AFG3L2: variants seen among roughly 807,000 people sequenced by gnomAD.
AFG3L2 encodes AFG3 like matrix AAA peptidase subunit 2, also known as mitochondrial inner membrane m-AAA protease component AFG3L2.
In AFG3L2, 54 loss-of-function variants were observed where a neutral mutation model predicts 94.5. The observed-to-expected ratio is 0.57, with a 90% confidence interval of 0.46 to 0.72. AFG3L2 has a LOEUF of 0.72. Ranked by LOEUF, AFG3L2 falls within the 30% of genes least tolerant of loss-of-function variation. The probability of loss-of-function intolerance (pLI) is 0.00; values close to 1 mark genes in which losing one functional copy is unlikely to be tolerated. For missense variants in AFG3L2, 754 were observed against 994.9 expected (o/e 0.76, Z 3.26); for synonymous variants, 377 against 365.5 (o/e 1.03, Z -0.36).
intron 5 of AFG3L2, among the ~76,000 whole-genome samples, chr18:12,366,686 G>A (rs372730194): frequency 3.2e-4 from 48 of 152,280 alleles, no homozygotes; most frequent in African/African-American, 9.4e-4. Flanking sequence ...AGAAAAGGGC[G>A]CAAGCAGAGG....
chr18:12,360,479 T>C (rs897762142), intron 6 of AFG3L2, among the ~76,000 whole-genome samples: 27 of 152,204 alleles, frequency 1.8e-4, no homozygotes, highest in African/African-American at 6.5e-4. Flanking sequence ...CAGGCATTGT[T>C]CTGGGCCCTT....
chr18:12,367,298 T>A lies in AFG3L2; in HGVS notation c.377A>T (p.His126Leu). ...GKRGGKKDDS[H>L]WWSRFQKGDI... ...AACCTTCTGAAACCTGGACCACCAG[T>A]GAGAATCATCTTTCTTGCCACCTCG... Residue 126 changes from histidine to leucine, a missense_variant, in exon 4 of 17, where the codon CAC (histidine) becomes CTC (leucine). Coordinates refer to ENST00000269143, the MANE Select transcript of AFG3L2 (RefSeq NM_006796.3). 6.2e-7 allele frequency: 1 copy of A among 1,614,188 alleles called. No homozygotes were observed. Among genetic ancestry groups the A allele is most frequent in the Non-Finnish European group, 8.5e-7 (1 of 1,180,030 alleles).
At chr18:12,331,861 A>AT (rs1907543515) in intron 16 of AFG3L2, among the ~76,000 whole-genome samples, 1 of 86,374 alleles carries the variant, frequency 1.2e-5, no homozygotes, top group African/African-American at 3.6e-5. Flanking sequence ...ATATATATAT[A>AT]AAACAAGGGC....
At position 12,370,935 on chromosome 18, in the gene AFG3L2, A is replaced by G. The variant is rs755505003; in HGVS notation, c.215-9T>C. The stretch of plus-strand genomic sequence containing the variant: ...AAAGTATTTTTCAAATCCTGTTAGA[A>G]AAAGAAAAAAAATACTTATCTTCAA... On this transcript the variant is annotated splice_polypyrimidine_tract_variant and intron_variant, in intron 2 of 16. Coordinates refer to ENST00000269143, the MANE Select transcript of AFG3L2 (RefSeq NM_006796.3). The G allele has an allele frequency of 6.8e-7, 1 of 1,474,356 alleles. No homozygotes were observed. The highest frequency in any genetic ancestry group is 1.8e-5 in the Admixed American group (1 of 55,254). 91.3% of individuals were successfully genotyped at this position (1,474,356 alleles called of 1,614,324 possible).
In AFG3L2 at chr18:12,358,887, G is replaced by T. The variant is rs375692897; in HGVS notation, c.809C>A (p.Thr270Asn). ...TVLIIAFLLY[T>N]IRRGPAGIGR... ...AATGCCAGCAGGCCCTCTTCTGATGGTGTAGAGCAAGAAGGCGATGATGAG... is the reference window on the plus strand; with the variant it reads ...AATGCCAGCAGGCCCTCTTCTGATGTTGTAGAGCAAGAAGGCGATGATGAG... Residue 270 changes from threonine to asparagine, a missense_variant, in exon 8 of 17, where the codon ACC becomes AAC. By Grantham distance (65) the Thr-to-Asn change is moderately conservative. Around this residue, in one of 4 missense-constraint regions of AFG3L2, gnomAD observed 130 missense variants for 175.1 expected, o/e 0.74. Transcript: ENST00000269143. The T allele has an allele frequency of 1.9e-6, 3 of 1,614,238 alleles. No homozygotes were observed. Among genetic ancestry groups the T allele is most frequent in the Non-Finnish European group, 2.5e-6 (3 of 1,180,044 alleles).
chr18:12,329,389 C>T lies in AFG3L2; in HGVS notation c.*176G>A. 1.4e-6 allele frequency: 1 copy of T among 721,410 alleles called. No individual in the cohort carries two copies. Among genetic ancestry groups the T allele is most frequent in the Non-Finnish European group, 2.4e-6 (1 of 409,544 alleles). 44.7% of individuals were successfully genotyped at this position (721,410 alleles called of 1,614,324 possible). A position where few individuals can be genotyped will look rare whatever the true frequency, so the allele number is the denominator to read the frequency against. On this transcript the variant is annotated 3_prime_UTR_variant, in exon 17 of 17. Coordinates refer to ENST00000269143, the MANE Select transcript of AFG3L2 (RefSeq NM_006796.3). ...TCAAGGCCTCCGGAAAGTCACCTGCCACCCACTGTGACCTCTGAGGCTGAA... is the reference window on the plus strand; with the variant it reads ...TCAAGGCCTCCGGAAAGTCACCTGCTACCCACTGTGACCTCTGAGGCTGAA...
At chr18:12,376,944 C>A in intron 1 of AFG3L2, 25 bp downstream of exon 1, 1 of 1,409,534 alleles carries the variant, frequency 7.1e-7, no homozygotes. Flanking sequence ...GGGTGGAGGG[C>A]GCCGGGCGCC....
intron 1 of AFG3L2, among the ~76,000 whole-genome samples, chr18:12,375,306 C>T (rs1264912484): frequency 6.9e-6 from 1 of 144,644 alleles, no homozygotes; most frequent in African/African-American, 2.6e-5. Context: ...TGGAGTACAG[C>T]AATGCAATCA....
chr18:12,337,394 CAT>C lies in AFG3L2; in HGVS notation c.2120_2121del (p.Asp707GlyfsTer3), dbSNP rs772904717. ...IDDEVRILIN[D>X]AYKRTVALLT... ...AGAAGAGCTACTGTTCTTTTATAAGCATCATTAATAAGTATTCGTACTTCATC... is the reference window on the plus strand; with the variant it reads ...AGAAGAGCTACTGTTCTTTTATAAGCCATTAATAAGTATTCGTACTTCATC... On this transcript the variant is annotated frameshift_variant, in exon 16 of 17. Transcript: ENST00000269143. LOFTEE classifies it high-confidence loss of function. 6.2e-7 allele frequency: 1 copy of C among 1,614,178 alleles called. No individual in the cohort carries two copies. The highest frequency in any genetic ancestry group is 8.5e-7 in the Non-Finnish European group (1 of 1,179,986).
In AFG3L2 at chr18:12,353,055, C is replaced by T; in HGVS notation, c.1268G>A (p.Gly423Glu). The change falls in exon 10 of 17, where the codon GGG becomes GAG. Residue 423 changes from glycine to glutamate, a missense_variant. Gly to Glu is a moderately conservative substitution (Grantham distance 98). Around this residue, in one of 4 missense-constraint regions of AFG3L2, gnomAD observed 109 missense variants for 227.1 expected, o/e 0.48. Transcript: ENST00000269143. ...GAGTGTGTTCTCCTGCTCACTCTGC[C>T]CTCCAAAGTTGCCTCTTCCTCTCTT... ...GRKRGRGNFG[G>E]QSEQENTLNQ... 1 of 1,614,136 alleles carries T rather than the reference C, an allele frequency of 6.2e-7. No individual in the cohort carries two copies. The highest frequency in any genetic ancestry group is 8.5e-7 in the Non-Finnish European group (1 of 1,180,032).
At chr18:12,366,350 TCTTA>T (rs1908806833) in intron 5 of AFG3L2, among the ~76,000 whole-genome samples, 2 of 152,196 alleles carry the variant, frequency 1.3e-5, no homozygotes, top group Admixed American at 1.3e-4. Context: ...TGAAATATGG[TCTTA>T]CTTATTTCCC....
In AFG3L2 at chr18:12,377,078, G is replaced by T; in HGVS notation, c.5C>A (p.Ala2Glu). The change falls in exon 1 of 17, where the codon GCG (alanine) becomes GAG (glutamate). Residue 2 changes from alanine (A) to glutamate (E), a missense_variant. Ala to Glu is a moderately radical substitution (Grantham distance 107). Transcript: ENST00000269143. ...GCCCCACAGCCGCAAACAGCGGTGC[G>T]CCATGGCCGCCGCCGTGGCCCTCTC... M[A>E]HRCLRLWGRG... 7.1e-7 allele frequency: 1 copy of T among 1,418,092 alleles called. No homozygotes were observed. Among genetic ancestry groups the T allele is most frequent in the Non-Finnish European group, 9.2e-7 (1 of 1,085,726 alleles). 87.8% of individuals were successfully genotyped at this position (1,418,092 alleles called of 1,614,324 possible). A position where few individuals can be genotyped will look rare whatever the true frequency, so the allele number is the denominator to read the frequency against.
intron 13 of AFG3L2, 103 bp downstream of exon 13, chr18:12,348,170 G>C: frequency 1.0e-6 from 1 of 970,052 alleles, no homozygotes; most frequent in South Asian, 1.4e-5. Context: ...AGGGCTGAGT[G>C]GATACACTTT....
chr18:12,337,042 G>T (rs975471675), intron 16 of AFG3L2: 2 of 588,244 alleles, frequency 3.4e-6, no homozygotes, highest in Non-Finnish European at 3.0e-6. Context: ...GGAGTACTGT[G>T]AACTATCTGG....
chr18:12,337,621 T>A (rs1907794304), intron 15 of AFG3L2, 86 bp from the exon 16 acceptor site: 3 of 1,233,324 alleles, frequency 2.4e-6, no homozygotes, highest in African/African-American at 1.5e-5. Flanking sequence ...CCGGCTAAAG[T>A]GCACAAAGGT....
rs1397998310 is a variant in AFG3L2, at chr18:12,337,596, C to T, written c.1981-61G>A. 1.2e-5 allele frequency: 19 copies of T among 1,545,946 alleles called. No homozygotes were observed. The Admixed American group carries it at 2.5e-4, about 21-fold the overall frequency. On this transcript the variant is annotated intron_variant, in intron 15 of 16. Coordinates refer to ENST00000269143, the MANE Select transcript of AFG3L2 (RefSeq NM_006796.3). The stretch of plus-strand genomic sequence containing the variant: ...TTGTTCTTTAACCAGACAAAATCTA[C>T]ACAGCAGCCTGGAGCCGGCTAAAGT...
Position 12,352,985 on chromosome 18 carries a change from C to A in AFG3L2, c.1318+20G>T, listed in dbSNP as rs746679983. ...AAAAACAAAAGTGCAGTTAAAGATA[C>A]AAAAGCCTTGACCACTCACCATCCA... On this transcript the variant is annotated intron_variant, in intron 10 of 16. Coordinates refer to ENST00000269143, the MANE Select transcript of AFG3L2 (RefSeq NM_006796.3). 1 of 1,612,374 alleles carries A rather than the reference C, an allele frequency of 6.2e-7. No individual in the cohort carries two copies. Among genetic ancestry groups the A allele is most frequent in the Non-Finnish European group, 8.5e-7 (1 of 1,179,352 alleles).
chr18:12,371,259 C>G (rs9303771), intron 2 of AFG3L2, among the ~76,000 whole-genome samples: 1 of 150,426 alleles, frequency 6.6e-6, no homozygotes, highest in Admixed American at 6.6e-5. Context: ...GGTTGCAGTA[C>G]GCCAAGATCG....
chr18:12,375,960 G>A (rs1440263494), intron 1 of AFG3L2, among the ~76,000 whole-genome samples: 1 of 152,144 alleles, frequency 6.6e-6, no homozygotes, highest in East Asian at 1.9e-4. Flanking sequence ...CGGCCTGGGC[G>A]AAGAAGCAAA....
Sources: gnomAD v4.1 joint callset for allele counts (sites outside exome capture counted in the v4.1 genomes callset) on GRCh38, gnomAD v4.1.1 for gene constraint, gnomAD v4.1.1 regional missense constraint, MANE v1.5 for transcripts, NCBI Gene and HGNC (gene_info 2026-07-23, HGNC 2026-07-21) for gene names.